MKLN1: variants seen among roughly 807,000 people sequenced by gnomAD.
The protein encoded by MKLN1 is muskelin 1, also known as muskelin.
Under a neutral mutation model 99.0 loss-of-function variants are expected in MKLN1, and 18 were observed. The observed-to-expected ratio is 0.18, with a 90% CI of 0.13 to 0.27. MKLN1 has a LOEUF of 0.27. Among genes scored for constraint, MKLN1 ranks in the 10% least tolerant of loss-of-function variants. MKLN1 has a pLI of 1.00. For synonymous variants in MKLN1, 288 were observed against 293.2 expected (o/e 0.98, Z 0.18); for missense variants, 621 against 875.9 (o/e 0.71, Z 3.67).
intron 2 of MKLN1, among the ~76,000 whole-genome samples, chr7:131,144,815 T>G (rs1294222398): frequency 6.6e-6 from 1 of 151,462 alleles, no homozygotes; most frequent in East Asian, 2.0e-4. Flanking sequence ...CCGTGTCTAC[T>G]AAAAATACAA....
intron 11 of MKLN1, among the ~76,000 whole-genome samples, chr7:131,445,343 ATAGGTAACTGTCTTTTAT>A (rs1450503054): frequency 6.6e-6 from 1 of 152,078 alleles, no homozygotes; most frequent in Non-Finnish European, 1.5e-5. Flanking sequence ...TCCTGCCACT[ATAGGTAACTGTCTTTTAT>A]TAGGTTTTGG....
intron 3 of MKLN1, among the ~76,000 whole-genome samples, chr7:131,249,300 C>T (rs984131502): frequency 6.6e-6 from 1 of 152,214 alleles, no homozygotes; most frequent in Admixed American, 6.5e-5. Context: ...GCAACTGACC[C>T]ATTTGTTGAA....
At chr7:131,478,487 G>T (rs372709625) in intron 16 of MKLN1, 136 bp from the exon 17 acceptor site, 1 of 778,166 alleles carries the variant, frequency 1.3e-6, no homozygotes, top group Non-Finnish European at 1.8e-6. Flanking sequence ...ACTATTTGGT[G>T]AATAGACCTA....
intron 1 of MKLN1, among the ~76,000 whole-genome samples, chr7:131,335,394 A>G (rs1004388003): frequency 9.9e-5 from 15 of 152,278 alleles, no homozygotes; most frequent in African/African-American, 3.1e-4. Flanking sequence ...AAAAGTATAC[A>G]AAGAGAAAGG....
chr7:131,396,124 G>A (rs1794352173), intron 4 of MKLN1, among the ~76,000 whole-genome samples: 1 of 152,080 alleles, frequency 6.6e-6, no homozygotes, highest in Non-Finnish European at 1.5e-5. Flanking sequence ...CCAGGCTGGA[G>A]TACAGTGGTG....
chr7:131,308,583 GTTTT>G (rs1033325404), intron 3 of MKLN1, among the ~76,000 whole-genome samples: 9 of 118,294 alleles, frequency 7.6e-5, no homozygotes, highest in Non-Finnish European at 1.3e-4. Flanking sequence ...TTTTTGTTTT[GTTTT>G]TTCTTTTTTT....
chr7:131,165,416 A>G (rs1236894700), intron 2 of MKLN1, among the ~76,000 whole-genome samples: 1 of 151,928 alleles, frequency 6.6e-6, no homozygotes, highest in East Asian at 1.9e-4. Context: ...CGAACTCCTG[A>G]CCTTGTGATC....
chr7:131,215,791 C>G (rs1263536110), intron 3 of MKLN1, among the ~76,000 whole-genome samples: 4 of 152,138 alleles, frequency 2.6e-5, no homozygotes, highest in Non-Finnish European at 2.9e-5. Flanking sequence ...GTTGCTTGAT[C>G]CAGTTTCCTG....
chr7:131,226,231 G>T (rs1281898613), intron 3 of MKLN1, among the ~76,000 whole-genome samples: 14 of 152,152 alleles, frequency 9.2e-5, no homozygotes, highest in Non-Finnish European at 1.5e-5. Context: ...GCTCACCATG[G>T]TTTTATAATT....
intron 5 of MKLN1, among the ~76,000 whole-genome samples, chr7:131,397,895 A>G (rs925386291): frequency 3.3e-5 from 5 of 152,182 alleles, no homozygotes; most frequent in Admixed American, 2.0e-4. Flanking sequence ...TATAACTGTA[A>G]TATATATTGT....
intron 8 of MKLN1, among the ~76,000 whole-genome samples, chr7:131,420,311 GGA>G (rs1001777121): frequency 1.3e-5 from 2 of 151,844 alleles, no homozygotes; most frequent in East Asian, 1.9e-4. Context: ...ATGGTGGCAG[GGA>G]GAGAGAGAGA....
intron 16 of MKLN1, chr7:131,472,404 C>G (rs1796843878): frequency 6.6e-6 from 1 of 152,146 alleles, no homozygotes; most frequent in African/African-American, 2.4e-5. Context: ...AAAAACAGGA[C>G]AGGGAGGTAT....
intron 2 of MKLN1, among the ~76,000 whole-genome samples, chr7:131,377,715 ATTC>A (rs1335743763): frequency 1.1e-4 from 16 of 152,234 alleles, no homozygotes; most frequent in African/African-American, 3.6e-4. Context: ...TTGTTTGCTT[ATTC>A]ATTCATTAAA....
chr7:131,283,777 T>C (rs1331940348), intron 3 of MKLN1, among the ~76,000 whole-genome samples: 3 of 152,136 alleles, frequency 2.0e-5, no homozygotes, highest in Non-Finnish European at 4.4e-5. Context: ...AGGTAACCAA[T>C]CTGTTGAAGA....
intron 4 of MKLN1, among the ~76,000 whole-genome samples, chr7:131,396,565 G>GT (rs1281250834): frequency 6.6e-6 from 1 of 151,948 alleles, no homozygotes; most frequent in Non-Finnish European, 1.5e-5. Context: ...AATTTTTAAG[G>GT]TTTTTGATGC....
chr7:131,481,841 G>T (rs1797130402), intron 17 of MKLN1, among the ~76,000 whole-genome samples: 1 of 141,964 alleles, frequency 7.0e-6, no homozygotes, highest in African/African-American at 2.6e-5. Context: ...AACCTCAGCC[G>T]AACTTTCTGA....
chr7:131,207,618 T>G (rs1244217142), intron 3 of MKLN1, among the ~76,000 whole-genome samples: 3 of 152,222 alleles, frequency 2.0e-5, no homozygotes, highest in African/African-American at 7.2e-5. Flanking sequence ...AAGTTTTTGC[T>G]GCACGGTTTC....
intron 3 of MKLN1, among the ~76,000 whole-genome samples, chr7:131,206,265 T>C (rs960701521): frequency 6.6e-6 from 1 of 152,136 alleles, no homozygotes; most frequent in African/African-American, 2.4e-5. Context: ...AGTAAACTAA[T>C]TTGGAACTTA....
intron 1 of MKLN1, among the ~76,000 whole-genome samples, chr7:131,361,895 G>C (rs942227727): frequency 6.6e-6 from 1 of 151,230 alleles, no homozygotes; most frequent in African/African-American, 2.4e-5. Context: ...GTTTTAGTTC[G>C]GTGGTTAAAT....
Sources: allele counts gnomAD v4.1 joint callset (sites outside exome capture counted in the v4.1 genomes callset), GRCh38; gene constraint gnomAD v4.1.1; transcripts MANE v1.5; gene names NCBI Gene and HGNC (gene_info 2026-07-23, HGNC 2026-07-21).